Variants in ACSF3 observed in about 807,000 individuals in gnomAD.
ACSF3 encodes the protein malonate--CoA ligase ACSF3, mitochondrial.
A neutral mutation model predicts 53.2 loss-of-function variants in ACSF3; 78 were observed. The ratio of observed to expected loss-of-function variants is 1.47; its 90% CI spans 1.22 to 1.77. The LOEUF (loss-of-function observed/expected upper bound fraction) is 1.77, where lower values mean the gene tolerates loss of function less well. Among genes scored for constraint, ACSF3 ranks in the 40% most tolerant of loss-of-function variants. ACSF3 has a pLI of 0.00. For synonymous variants in ACSF3, 414 were observed against 333.1 expected (o/e 1.24, Z -2.65); for missense variants, 937 against 771.1 (o/e 1.22, Z -2.55).
intron 8 of ACSF3, among the ~76,000 whole-genome samples, chr16:89,143,388 C>T (rs540869253): frequency 5.9e-5 from 9 of 152,252 alleles, no homozygotes; most frequent in African/African-American, 1.9e-4. Flanking sequence ...CTCCATGCTG[C>T]GCTGGGTCTC....
intron 7 of ACSF3, among the ~76,000 whole-genome samples, chr16:89,124,428 T>C (rs1907502445): frequency 6.6e-6 from 1 of 150,670 alleles, no homozygotes; most frequent in African/African-American, 2.4e-5. Flanking sequence ...GTGCGTGCAC[T>C]GTGCGTATGT....
At chr16:89,105,331 G>A (rs1481340007) in intron 4 of ACSF3, among the ~76,000 whole-genome samples, 1 of 152,110 alleles carries the variant, frequency 6.6e-6, no homozygotes, top group East Asian at 1.9e-4. Context: ...CTGGCTCAGT[G>A]ACCCGACCCT....
In ACSF3 at chr16:89,093,869, G is replaced by A. The variant is rs1180877708; in HGVS notation, c.-321G>A. 3 of 312,610 alleles carry A rather than the reference G, an allele frequency of 9.6e-6. No individual in the cohort carries two copies. The highest frequency in any genetic ancestry group is 1.6e-4 in the East Asian group (1 of 6,332). The allele number at this position is 312,610 out of a possible 1,614,324, so 19.4% of individuals were successfully genotyped here. On this transcript the variant is annotated 5_prime_UTR_variant, in exon 1 of 11. Coordinates refer to ENST00000614302, the MANE Select transcript of ACSF3 (RefSeq NM_001243279.3). ...GGGAAGCTGTTGGGCGCCGGAACTG[G>A]TCCGGCCCGACTCACGACCCCGCGG...
intron 4 of ACSF3, among the ~76,000 whole-genome samples, chr16:89,105,206 G>A (rs965273575): frequency 3.3e-5 from 5 of 151,976 alleles, no homozygotes; most frequent in Admixed American, 6.6e-5. Flanking sequence ...CCCCAGCTGC[G>A]ACACAGCAGT....
chr16:89,129,202 C>G (rs1241476549), intron 7 of ACSF3, among the ~76,000 whole-genome samples: 3 of 152,126 alleles, frequency 2.0e-5, no homozygotes, highest in Non-Finnish European at 4.4e-5. Context: ...TCTTCTATAT[C>G]CTTGCTGGTT....
intron 8 of ACSF3, among the ~76,000 whole-genome samples, chr16:89,142,484 C>T (rs953534770): frequency 1.3e-5 from 2 of 151,770 alleles, no homozygotes; most frequent in Non-Finnish European, 1.5e-5. Context: ...AGATATAACA[C>T]ATCTGCAGAG....
At chr16:89,109,866 C>T (rs535451144) in intron 4 of ACSF3, among the ~76,000 whole-genome samples, 14 of 152,212 alleles carry the variant, frequency 9.2e-5, no homozygotes, top group Non-Finnish European at 1.6e-4. Flanking sequence ...GGATTACGGG[C>T]ATGAGCACTG....
chr16:89,113,664 A>G (rs1213403511), intron 5 of ACSF3: 2 of 168,098 alleles, frequency 1.2e-5, no homozygotes, highest in Non-Finnish European at 2.6e-5. Context: ...CTCCGCTCAG[A>G]CCGCAAACAA....
At chr16:89,145,498 A>C (rs1216997466) in intron 9 of ACSF3, 97 bp downstream of exon 9, 1 of 1,424,870 alleles carries the variant, frequency 7.0e-7, no homozygotes, top group African/African-American at 1.4e-5. Context: ...ACGCCGTCCC[A>C]GCTGCCTGCA....
intron 10 of ACSF3, chr16:89,150,777 A>G (rs1053260745): frequency 6.1e-5 from 22 of 359,664 alleles, no homozygotes; most frequent in African/African-American, 3.0e-4. Flanking sequence ...TGTCCAGGCC[A>G]CTTGCTGTAC....
At chr16:89,118,858 G>A (rs1905872184) in intron 6 of ACSF3, among the ~76,000 whole-genome samples, 1 of 152,334 alleles carries the variant, frequency 6.6e-6, no homozygotes, top group Middle Eastern at 3.4e-3. Flanking sequence ...TGGCAGGAAG[G>A]CAGTGCCCCC....
At chr16:89,131,160 G>T (rs147526777) in intron 7 of ACSF3, among the ~76,000 whole-genome samples, 2,427 of 120,494 alleles carry the variant, frequency 0.02, 73 homozygotes, top group East Asian at 0.13. Flanking sequence ...TTGAGACAGG[G>T]TCTCACTCCG....
chr16:89,149,893 G>A (rs896542759), intron 10 of ACSF3: 2 of 152,202 alleles, frequency 1.3e-5, no homozygotes, highest in African/African-American at 4.8e-5. Context: ...CTTGAAGGTG[G>A]GGTTTCACCA....
Position 89,101,266 on chromosome 16 carries a change from G to C in ACSF3, c.585G>C (p.Lys195Asn). The C allele has an allele frequency of 6.2e-7, 1 of 1,601,678 alleles. No individual in the cohort carries two copies. The highest frequency in any genetic ancestry group is 8.5e-7 in the Non-Finnish European group (1 of 1,174,586). The change falls in exon 3 of 11, where the codon AAG (lysine) becomes AAC (asparagine). Residue 195 changes from lysine (K) to asparagine (N), a missense_variant. Lys to Asn is a moderately conservative substitution (Grantham distance 94, BLOSUM62 0). Transcript: ENST00000614302. Reference protein sequence around the residue: ...VPVPEQGWRNKGAMIIYTSGT... With the variant: ...VPVPEQGWRNNGAMIIYTSGT... ...TCCCAGAGCAGGGATGGAGGAACAA[G>C]GGCGCCATGATCATCTACACCAGTG...
At chr16:89,102,848 T>A in intron 4 of ACSF3, 89 bp downstream of exon 4, 1 of 1,554,882 alleles carries the variant, frequency 6.4e-7, no homozygotes, top group Non-Finnish European at 8.7e-7. Flanking sequence ...GCCCTCAGCC[T>A]AAGCGCCTTT....
At position 89,114,448 on chromosome 16, in the gene ACSF3, G is replaced by A. The variant is rs1184733927; in HGVS notation, c.1087G>A (p.Ala363Thr). The A allele has an allele frequency of 1.2e-6, 2 of 1,613,170 alleles. No individual in the cohort carries two copies. Among genetic ancestry groups the A allele is most frequent in the Admixed American group, 3.3e-5 (2 of 60,008 alleles). Residue 363 changes from alanine to threonine, a missense_variant, in exon 6 of 11, where the codon GCT becomes ACT. Coordinates refer to ENST00000614302, the MANE Select transcript of ACSF3 (RefSeq NM_001243279.3). ...GTATGGCATGACCGAGATCGGCATGGCTCTGTCCGGGCCCCTGACCACTGC... is the reference window on the plus strand; with the variant it reads ...GTATGGCATGACCGAGATCGGCATGACTCTGTCCGGGCCCCTGACCACTGC... Reference protein sequence around the residue: ...ERYGMTEIGMALSGPLTTAVR... With the variant: ...ERYGMTEIGMTLSGPLTTAVR...
chr16:89,148,101 G>GTT (rs71158780), intron 10 of ACSF3: 6,076 of 117,584 alleles, frequency 0.052, 187 homozygotes, highest in East Asian at 0.14. Context: ...TTCTTTTTTG[G>GTT]TTTTTTTTTT....
intron 8 of ACSF3, among the ~76,000 whole-genome samples, chr16:89,144,525 T>G (rs888496467): frequency 6.6e-6 from 1 of 152,238 alleles, no homozygotes; most frequent in Admixed American, 6.5e-5. Context: ...CATTCACTGC[T>G]GGAGCCCACC....
Position 89,110,940 on chromosome 16 carries a change from G to T in ACSF3, c.823-1152G>T, listed in dbSNP as rs79559235. On this transcript the variant is annotated intron_variant, in intron 4 of 10. Transcript: ENST00000614302. ...TCAGCCTAGATCACCCCCGTTGACT[G>T]TGTCTGACTTTTTTCCTCTTTTCTG... Among the ~76,000 whole-genome samples the T allele has an allele frequency of 1.0e-3, 155 of 152,318 alleles. 1 individual carries two copies. Among genetic ancestry groups the T allele is most frequent in the African/African-American group, 3.6e-3 (151 of 41,568 alleles).
Sources: allele counts gnomAD v4.1 joint callset (sites outside exome capture counted in the v4.1 genomes callset), GRCh38; gene constraint gnomAD v4.1.1; transcripts MANE v1.5; gene names NCBI Gene and HGNC (gene_info 2026-07-23, HGNC 2026-07-21).